The following SYK variants were observed in gnomAD, a reference collection of about 807,000 sequenced individuals.
The protein encoded by SYK is spleen associated tyrosine kinase, also known as tyrosine-protein kinase SYK.
SYK carries 16 observed loss-of-function variants against 77.8 expected under a neutral mutation model. That is an observed-to-expected ratio of 0.21 (90% CI 0.14 to 0.31). The LOEUF is 0.31. SYK is among the 10% of genes least tolerant of loss of function. The pLI is 1.00. For missense variants in SYK, 529 were observed against 814.4 expected, an observed-to-expected ratio of 0.65 and a Z score of 4.26; for synonymous variants, 312 against 308.7, an observed-to-expected ratio of 1.01 and a Z score of -0.11.
chr9:90,818,585 AATCTC>A (rs1825387308), intron 1 of SYK, among the ~76,000 whole-genome samples: 1 of 152,242 alleles, frequency 6.6e-6, no homozygotes, highest in South Asian at 2.1e-4. Context: ...GCTCATGCAT[AATCTC>A]ATTTATTAGT....
intron 3 of SYK, among the ~76,000 whole-genome samples, chr9:90,859,625 G>A (rs1252042709): frequency 1.3e-5 from 2 of 152,178 alleles, no homozygotes; most frequent in Non-Finnish European, 2.9e-5. Flanking sequence ...GCTCATTCAC[G>A]AGGTCTGTGA....
chr9:90,842,986 C>G (rs1012093588), intron 1 of SYK, among the ~76,000 whole-genome samples: 1 of 152,124 alleles, frequency 6.6e-6, no homozygotes, highest in African/African-American at 2.4e-5. Flanking sequence ...TATGCATTGG[C>G]CGCCTTTCTT....
intron 1 of SYK, among the ~76,000 whole-genome samples, chr9:90,839,318 A>T (rs765746471): frequency 6.6e-6 from 1 of 152,206 alleles, no homozygotes; most frequent in African/African-American, 2.4e-5. Context: ...TACCCAGGTC[A>T]ACTCCGGCAC....
At chr9:90,825,092 T>C (rs369831895) in intron 1 of SYK, among the ~76,000 whole-genome samples, 124 of 149,496 alleles carry the variant, frequency 8.3e-4, no homozygotes, top group African/African-American at 2.9e-3. Context: ...ATAAGAATAA[T>C]TACCATGTAT....
At chr9:90,843,354 G>A (rs1057039818) in intron 1 of SYK, among the ~76,000 whole-genome samples, 5 of 152,290 alleles carry the variant, frequency 3.3e-5, no homozygotes, top group South Asian at 2.1e-4. Context: ...TCGAGGCAGC[G>A]TCTCGCAGCT....
intron 1 of SYK, among the ~76,000 whole-genome samples, chr9:90,839,300 C>T (rs1826205836): frequency 6.6e-6 from 1 of 152,208 alleles, no homozygotes; most frequent in East Asian, 1.9e-4. Flanking sequence ...AAACCATCAC[C>T]ACCAACATAC....
chr9:90,894,905 A>C (rs1473448397), intron 13 of SYK, among the ~76,000 whole-genome samples: 2 of 152,212 alleles, frequency 1.3e-5, no homozygotes, highest in Admixed American at 1.3e-4. Flanking sequence ...AGTGGCAGTA[A>C]GGACTGGCTA....
Position 90,858,666 on chromosome 9 carries a change from T to C in SYK, c.579-3540T>C, listed in dbSNP as rs757971577. Among the ~76,000 whole-genome samples the C allele has an allele frequency of 4.9e-4, 74 of 152,244 alleles. 1 individual carries two copies. The highest frequency in any genetic ancestry group is 2.0e-4 in the Admixed American group (3 of 15,290). ...GCCTTCCAAATCAGTTTGTCTCCTATGTTTAATTAAAAATGGCCTGGTCCA... is the reference window on the plus strand; with the variant it reads ...GCCTTCCAAATCAGTTTGTCTCCTACGTTTAATTAAAAATGGCCTGGTCCA... On this transcript the variant is annotated intron_variant, in intron 3 of 13. Transcript: ENST00000375754.
intron 11 of SYK, among the ~76,000 whole-genome samples, chr9:90,881,131 T>C (rs1458433401): frequency 6.6e-6 from 1 of 152,208 alleles, no homozygotes; most frequent in African/African-American, 2.4e-5. Context: ...AGAACCACCC[T>C]TTTGAGGAGA....
chr9:90,877,084 C>G (rs998380524), intron 9 of SYK, among the ~76,000 whole-genome samples: 3 of 152,120 alleles, frequency 2.0e-5, no homozygotes, highest in African/African-American at 7.2e-5. Flanking sequence ...AACAGTGTTT[C>G]ACTGTGTCAC....
intron 3 of SYK, among the ~76,000 whole-genome samples, chr9:90,854,483 T>TG (rs1826945320): frequency 6.6e-6 from 1 of 152,134 alleles, no homozygotes; most frequent in South Asian, 2.1e-4. Flanking sequence ...AGAACATCAC[T>TG]GTCCCCTGCA....
At chr9:90,836,543 A>G (rs1826094445) in intron 1 of SYK, among the ~76,000 whole-genome samples, 1 of 152,216 alleles carries the variant, frequency 6.6e-6, no homozygotes, top group African/African-American at 2.4e-5. Flanking sequence ...ATAATTTCAT[A>G]GCCACTTCCT....
upstream of SYK, chr9:90,801,696 C>CG (rs1826735316): frequency 6.6e-6 from 1 of 152,252 alleles, no homozygotes; most frequent in Non-Finnish European, 1.5e-5. Flanking sequence ...CTCATGGGCG[C>CG]GGTCAGCAGG....
intron 11 of SYK, among the ~76,000 whole-genome samples, chr9:90,885,392 C>T (rs1192485548): frequency 2.0e-5 from 3 of 152,074 alleles, no homozygotes; most frequent in Admixed American, 6.5e-5. Flanking sequence ...ATAAAAAATA[C>T]ATCCCAAACT....
intron 1 of SYK, among the ~76,000 whole-genome samples, chr9:90,813,358 C>T (rs1226410018): frequency 6.6e-6 from 1 of 152,078 alleles, no homozygotes; most frequent in Non-Finnish European, 1.5e-5. Flanking sequence ...CCCAGAAGGG[C>T]CCCTGGACTC....
intron 7 of SYK, among the ~76,000 whole-genome samples, chr9:90,873,064 G>A (rs945156926): frequency 3.9e-5 from 6 of 152,220 alleles, no homozygotes; most frequent in East Asian, 1.9e-4. Context: ...TCAGCAGACC[G>A]TGTGAAAGAA....
Position 90,865,036 on chromosome 9 carries a change from C to G in SYK, c.797-12C>G. On this transcript the variant is annotated splice_polypyrimidine_tract_variant and intron_variant, in intron 5 of 13. Transcript: ENST00000375754. ...AGATAGAGCAGTAATTGTCCATGCTCTCTCTAACCAGGAAATGTTAATTTT... is the reference window on the plus strand; with the variant it reads ...AGATAGAGCAGTAATTGTCCATGCTGTCTCTAACCAGGAAATGTTAATTTT... The G allele has an allele frequency of 6.2e-7, 1 of 1,614,026 alleles. No homozygotes were observed. Among genetic ancestry groups the G allele is most frequent in the Non-Finnish European group, 8.5e-7 (1 of 1,179,902 alleles).
At chr9:90,806,844 C>T (rs2118256862) in intron 1 of SYK, among the ~76,000 whole-genome samples, 1 of 152,306 alleles carries the variant, frequency 6.6e-6, no homozygotes, top group African/African-American at 2.4e-5. Flanking sequence ...GTCAATGTCA[C>T]TTTTGTATTA....
chr9:90,864,764 G>T (rs969371794), intron 5 of SYK, 97 bp downstream of exon 5: 1 of 1,080,592 alleles, frequency 9.3e-7, no homozygotes, highest in Non-Finnish European at 1.4e-6. Context: ...GTTGGATGAG[G>T]ACTTCTTTTT....
Sources: allele counts gnomAD v4.1 joint callset (sites outside exome capture counted in the v4.1 genomes callset), GRCh38; gene constraint gnomAD v4.1.1; transcripts MANE v1.5; gene names NCBI Gene and HGNC (gene_info 2026-07-23, HGNC 2026-07-21).